The following RELN variants were observed in gnomAD, a reference collection of about 807,000 sequenced individuals.
The protein encoded by RELN is reelin.
In RELN, 108 loss-of-function variants were observed where a neutral mutation model predicts 427.6. That is an observed-to-expected ratio of 0.25 (90% CI 0.22 to 0.30). The LOEUF is 0.30. RELN is among the 10% of genes least tolerant of loss of function. The pLI is 1.00. For missense variants in RELN, 3,715 were observed against 4,302.8 expected (o/e 0.86, Z 3.82); for synonymous variants, 1,524 against 1,513.4 (o/e 1.01, Z -0.16).
At chr7:103,511,110 CAT>C in intron 50 of RELN, 105 bp from the exon 51 acceptor site, 1 of 761,406 alleles carries the variant, frequency 1.3e-6, no homozygotes, top group Admixed American at 2.0e-5. Flanking sequence ...AGAAACTGCT[CAT>C]ATTATATACA....
intron 6 of RELN, among the ~76,000 whole-genome samples, chr7:103,748,541 T>C (rs746973044): frequency 1.1e-4 from 17 of 152,212 alleles, no homozygotes; most frequent in Non-Finnish European, 2.4e-4. Flanking sequence ...TAGTGTCTTC[T>C]CTACTAAACC....
intron 3 of RELN, among the ~76,000 whole-genome samples, chr7:103,818,031 G>T (rs7808351): frequency 6.6e-6 from 1 of 150,706 alleles, no homozygotes. Flanking sequence ...AGATCAATAT[G>T]CAGGCACAAT....
chr7:103,848,961 T>G (rs559186532), intron 2 of RELN, among the ~76,000 whole-genome samples: 1 of 152,298 alleles, frequency 6.6e-6, no homozygotes, highest in South Asian at 2.1e-4. Flanking sequence ...ATCTACTTGA[T>G]GAACAGCAGC....
chr7:103,762,003 T>C (rs575675812), intron 4 of RELN, among the ~76,000 whole-genome samples: 4 of 152,302 alleles, frequency 2.6e-5, no homozygotes, highest in African/African-American at 7.2e-5. Flanking sequence ...GTTGCTAACA[T>C]CAACAGAAAT....
At chr7:103,927,926 G>T (rs1795781913) in intron 1 of RELN, among the ~76,000 whole-genome samples, 1 of 152,118 alleles carries the variant, frequency 6.6e-6, no homozygotes, top group Non-Finnish European at 1.5e-5. Context: ...TGCTCTGCTG[G>T]CTTTAGTATT....
At chr7:103,865,065 C>CAG (rs1447502270) in intron 2 of RELN, among the ~76,000 whole-genome samples, 6 of 138,062 alleles carry the variant, frequency 4.3e-5, no homozygotes, top group Admixed American at 2.4e-4. Context: ...ACCTGGAAGG[C>CAG]AGAGGTGGCA....
chr7:103,816,688 G>T lies in RELN; in HGVS notation c.473+16849C>A, dbSNP rs148021043. 2.9e-4 allele frequency among the ~76,000 whole-genome samples: 44 copies of T among 151,998 alleles called. No individual in the cohort carries two copies. The East Asian group carries it at 7.7e-3, about 27-fold the overall frequency. ...AACATTCTCTATTCTCCTTTCAGTG[G>T]GCCTTGAGAGGCTTCTCCAAACTTG... On this transcript the variant is annotated intron_variant, in intron 3 of 64. Coordinates refer to ENST00000428762, the MANE Select transcript of RELN (RefSeq NM_005045.4).
intron 6 of RELN, among the ~76,000 whole-genome samples, chr7:103,734,182 T>C (rs189914979): frequency 2.0e-5 from 3 of 152,332 alleles, no homozygotes; most frequent in Admixed American, 6.5e-5. Flanking sequence ...CAGGAAAATG[T>C]TGGGCTTTGT....
Position 103,630,180 on chromosome 7 carries a change from G to C in RELN, c.2466-4C>G. The C allele has an allele frequency of 1.3e-6, 2 of 1,565,630 alleles. No homozygotes were observed. Among genetic ancestry groups the C allele is most frequent in the Non-Finnish European group, 1.7e-6 (2 of 1,147,262 alleles). On this transcript the variant is annotated splice_polypyrimidine_tract_variant and splice_region_variant and intron_variant, in intron 19 of 64. Coordinates refer to ENST00000428762, the MANE Select transcript of RELN (RefSeq NM_005045.4). ...TGGTAGTTCTACGGAGATTATTCTA[G>C]AGAAAAAAAAAAAGTCAAAATTTAG...
intron 2 of RELN, among the ~76,000 whole-genome samples, chr7:103,895,437 T>C (rs1584342426): frequency 6.6e-6 from 1 of 152,130 alleles, no homozygotes; most frequent in East Asian, 1.9e-4. Context: ...TTCTGGCATG[T>C]GGCTCTGGTG....
At chr7:103,838,615 A>C (rs571068674) in intron 2 of RELN, among the ~76,000 whole-genome samples, 1 of 152,308 alleles carries the variant, frequency 6.6e-6, no homozygotes, top group African/African-American at 2.4e-5. Flanking sequence ...GGCATAAAGC[A>C]GGGATCAGGT....
chr7:103,542,802 T>G lies in RELN; in HGVS notation c.6600A>C (p.Gly2200=). Residue 2200 remains glycine, a synonymous_variant, in exon 43 of 65, where the codon GGA becomes GGC. Transcript: ENST00000428762. Reference sequence around the variant, plus strand: ...CATCTTCATTGAAAAAGAGGTTGTTTCCACTAGAAAGGATTCCACACTTTC... The same window carrying G: ...CATCTTCATTGAAAAAGAGGTTGTTGCCACTAGAAAGGATTCCACACTTTC... ...PSRKCGILSS[G]NNLFFNEDGL... The G allele has an allele frequency of 3.1e-6, 5 of 1,614,144 alleles. No individual in the cohort carries two copies. The highest frequency in any genetic ancestry group is 4.2e-6 in the Non-Finnish European group (5 of 1,180,006).
At chr7:103,827,194 A>C (rs1460515306) in intron 3 of RELN, among the ~76,000 whole-genome samples, 1 of 151,924 alleles carries the variant, frequency 6.6e-6, no homozygotes, top group Non-Finnish European at 1.5e-5. Flanking sequence ...TGGAATAGAA[A>C]ATTTTCCCAT....
rs77857850 is a variant in RELN at position 103,802,564 on chromosome 7, A to T, written c.474-25937T>A. On this transcript the variant is annotated intron_variant, in intron 3 of 64. Coordinates refer to ENST00000428762, the MANE Select transcript of RELN (RefSeq NM_005045.4). ...ATAAAAGTGCTGTAGAAGTCACACAAATTCAAGATACCCAAATGTGAAATT... is the reference window on the plus strand; with the variant it reads ...ATAAAAGTGCTGTAGAAGTCACACATATTCAAGATACCCAAATGTGAAATT... Among the ~76,000 whole-genome samples, 138 of 152,274 alleles carry T rather than the reference A, an allele frequency of 9.1e-4. 1 individual carries two copies. The East Asian group carries it at 0.024, about 27-fold the overall frequency.
At chr7:103,854,125 A>G (rs1458912293) in intron 2 of RELN, among the ~76,000 whole-genome samples, 1 of 152,198 alleles carries the variant, frequency 6.6e-6, no homozygotes, top group East Asian at 1.9e-4. Context: ...TAAAAATAAA[A>G]GGAAAAATTC....
chr7:103,594,571 T>C, intron 25 of RELN, 79 bp from the exon 26 acceptor site: 2 of 1,439,506 alleles, frequency 1.4e-6, no homozygotes, highest in African/African-American at 2.8e-5. Flanking sequence ...ACAACAAGGG[T>C]AACAACAAGA....
At chr7:103,709,827 T>C (rs952418978) in intron 8 of RELN, among the ~76,000 whole-genome samples, 4 of 152,254 alleles carry the variant, frequency 2.6e-5, no homozygotes, top group Admixed American at 2.6e-4. Context: ...TTTGCATTAA[T>C]GATTATTTCT....
At chr7:103,746,165 G>A (rs908092292) in intron 6 of RELN, among the ~76,000 whole-genome samples, 4 of 152,042 alleles carry the variant, frequency 2.6e-5, no homozygotes, top group Non-Finnish European at 4.4e-5. Context: ...AAGCAATGGG[G>A]AAAGAATTCC....
chr7:103,734,817 G>C (rs1790449935), intron 6 of RELN, among the ~76,000 whole-genome samples: 1 of 152,154 alleles, frequency 6.6e-6, no homozygotes, highest in African/African-American at 2.4e-5. Context: ...TTATCATTTT[G>C]ACGGTGAACA....
Sources: allele counts gnomAD v4.1 joint callset (sites outside exome capture counted in the v4.1 genomes callset), GRCh38; gene constraint gnomAD v4.1.1; transcripts MANE v1.5; gene names NCBI Gene and HGNC (gene_info 2026-07-23, HGNC 2026-07-21).